Variants in TMEM178B observed in about 807,000 individuals in gnomAD.
The protein encoded by TMEM178B is transmembrane protein 178B.
Under a neutral mutation model 31.0 loss-of-function variants are expected in TMEM178B, and 5 were observed. The observed-to-expected ratio is 0.16, with a 90% confidence interval of 0.08 to 0.34. The LOEUF (loss-of-function observed/expected upper bound fraction) is 0.34, where lower values mean the gene tolerates loss of function less well. Among genes scored for constraint, TMEM178B ranks in the 10% least tolerant of loss-of-function variants. TMEM178B has a pLI of 1.00. For missense variants in TMEM178B, 275 were observed against 400.3 expected, an observed-to-expected ratio of 0.69 and a Z score of 2.67; for synonymous variants, 164 against 164.0, an observed-to-expected ratio of 1.00 and a Z score of 0.00.
At chr7:141,240,768 C>T (rs1797603874) in intron 2 of TMEM178B, among the ~76,000 whole-genome samples, 1 of 152,206 alleles carries the variant, frequency 6.6e-6, no homozygotes, top group Non-Finnish European at 1.5e-5. Flanking sequence ...ATTGCTTTCT[C>T]ATCCTCTACT....
chr7:141,346,597 A>G (rs1014091312), intron 2 of TMEM178B, among the ~76,000 whole-genome samples: 4 of 151,372 alleles, frequency 2.6e-5, no homozygotes, highest in Admixed American at 2.0e-4. Flanking sequence ...CAATGGACAT[A>G]TGTGTACCCA....
At chr7:141,354,605 T>C (rs914754165) in intron 2 of TMEM178B, among the ~76,000 whole-genome samples, 1 of 152,220 alleles carries the variant, frequency 6.6e-6, no homozygotes, top group Non-Finnish European at 1.5e-5. Context: ...TCGTATCCCC[T>C]TCCTACTTAT....
chr7:141,078,367 T>C (rs1323050462), intron 1 of TMEM178B, among the ~76,000 whole-genome samples: 1 of 152,232 alleles, frequency 6.6e-6, no homozygotes, highest in Non-Finnish European at 1.5e-5. Flanking sequence ...ATTGGCCTTA[T>C]AATAGACTTT....
At chr7:141,176,410 T>A (rs1205980323) in intron 1 of TMEM178B, among the ~76,000 whole-genome samples, 1 of 152,224 alleles carries the variant, frequency 6.6e-6, no homozygotes, top group Non-Finnish European at 1.5e-5. Context: ...GCTATTGGCC[T>A]GAAATTTTCT....
intron 2 of TMEM178B, among the ~76,000 whole-genome samples, chr7:141,235,168 T>A (rs575197822): frequency 1.3e-5 from 2 of 152,326 alleles, no homozygotes; most frequent in East Asian, 1.9e-4. Flanking sequence ...TGATTTTCCG[T>A]GAAGCTGGGA....
chr7:141,305,512 C>T (rs900139744), intron 2 of TMEM178B, among the ~76,000 whole-genome samples: 2 of 152,018 alleles, frequency 1.3e-5, no homozygotes, highest in Non-Finnish European at 2.9e-5. Flanking sequence ...ACTTCAACCC[C>T]CGCCTCCAGG....
At chr7:141,487,859 C>T in the TMEM178B span, among the ~76,000 whole-genome samples, 3 of 149,642 alleles carry the variant, frequency 2.0e-5, no homozygotes, top group African/African-American at 4.9e-5. Flanking sequence ...AAAATATAAA[C>T]GTTCAATTAA....
intron 2 of TMEM178B, among the ~76,000 whole-genome samples, chr7:141,255,323 C>T (rs563314276): frequency 7.3e-4 from 111 of 152,228 alleles, no homozygotes; most frequent in South Asian, 1.7e-3. Flanking sequence ...AAGGAACAAG[C>T]GTACTTTGCA....
At chr7:141,248,487 G>T (rs971354441) in intron 2 of TMEM178B, among the ~76,000 whole-genome samples, 2 of 152,202 alleles carry the variant, frequency 1.3e-5, no homozygotes, top group African/African-American at 4.8e-5. Flanking sequence ...TGTTGTTGCT[G>T]TGTCAACATC....
intron 2 of TMEM178B, among the ~76,000 whole-genome samples, chr7:141,256,415 G>A (rs1797929294): frequency 6.6e-6 from 1 of 152,180 alleles, no homozygotes; most frequent in East Asian, 1.9e-4. Context: ...GGTGCCAAGA[G>A]CAAGTGCCGA....
At chr7:141,111,155 G>T (rs1795229066) in intron 1 of TMEM178B, among the ~76,000 whole-genome samples, 1 of 152,230 alleles carries the variant, frequency 6.6e-6, no homozygotes, top group African/African-American at 2.4e-5. Context: ...TGGCTGGGAG[G>T]CCTCACAATC....
At chr7:141,183,682 C>T (rs1266532061) in intron 1 of TMEM178B, among the ~76,000 whole-genome samples, 1 of 152,126 alleles carries the variant, frequency 6.6e-6, no homozygotes, top group Non-Finnish European at 1.5e-5. Flanking sequence ...CTGCTAAGGC[C>T]GAGACTGCAT....
In TMEM178B at chr7:141,480,223, G is replaced by A. The variant is rs1464680833; in HGVS notation, c.*9437G>A. ...ACTGCATCTTGCAATTTTCTTTTTC[G>A]AATTGGCAGAAATATTGTATTTCCA... On this transcript the variant is annotated 3_prime_UTR_variant, in exon 4 of 4. Transcript: ENST00000565468. 3 of 152,168 alleles carry A rather than the reference G, an allele frequency of 2.0e-5. No individual in the cohort carries two copies. Among genetic ancestry groups the A allele is most frequent in the South Asian group, 2.1e-4 (1 of 4,836 alleles). 9.4% of individuals were successfully genotyped at this position (152,168 alleles called of 1,614,324 possible).
chr7:141,132,311 G>A (rs1191260112), intron 1 of TMEM178B, among the ~76,000 whole-genome samples: 1 of 152,118 alleles, frequency 6.6e-6, no homozygotes, highest in African/African-American at 2.4e-5. Context: ...CAAGATTGGG[G>A]ACCTTATCTG....
chr7:141,262,772 C>T (rs1285337463), intron 2 of TMEM178B, among the ~76,000 whole-genome samples: 4 of 151,952 alleles, frequency 2.6e-5, no homozygotes, highest in East Asian at 1.9e-4. Flanking sequence ...CTGATACAGC[C>T]CTGAAACCTC....
intron 1 of TMEM178B, among the ~76,000 whole-genome samples, chr7:141,160,355 TCTC>T (rs1379198247): frequency 6.6e-6 from 1 of 152,002 alleles, no homozygotes; most frequent in Non-Finnish European, 1.5e-5. Context: ...CAGCTTCACT[TCTC>T]CTTGAAGGCT....
At chr7:141,226,223 G>C (rs1024440842) in intron 2 of TMEM178B, among the ~76,000 whole-genome samples, 1 of 152,148 alleles carries the variant, frequency 6.6e-6, no homozygotes, top group African/African-American at 2.4e-5. Flanking sequence ...ACCCTCTTGG[G>C]GGGAGGGTGT....
chr7:141,420,242 C>G (rs551773856), intron 2 of TMEM178B, among the ~76,000 whole-genome samples: 8 of 152,064 alleles, frequency 5.3e-5, no homozygotes, highest in Middle Eastern at 3.4e-3. Context: ...TAGTTTGTGT[C>G]TTTCTCTGGA....
intron 2 of TMEM178B, among the ~76,000 whole-genome samples, chr7:141,417,308 A>G (rs907852990): frequency 6.6e-6 from 1 of 152,216 alleles, no homozygotes; most frequent in Non-Finnish European, 1.5e-5. Context: ...TCTCCAAACA[A>G]TTGGATGACT....
Sources: gnomAD v4.1 joint callset for allele counts (sites outside exome capture counted in the v4.1 genomes callset) on GRCh38, gnomAD v4.1.1 for gene constraint, MANE v1.5 for transcripts, NCBI Gene and HGNC (gene_info 2026-07-23, HGNC 2026-07-21) for gene names.